Variants in FOXP1 observed in about 807,000 individuals in gnomAD.
FOXP1 encodes the protein forkhead box protein P1.
In FOXP1, 15 loss-of-function variants were observed where a neutral mutation model predicts 98.2. The ratio of observed to expected loss-of-function variants is 0.15; its 90% CI spans 0.10 to 0.24. The LOEUF is 0.24. Ranked by LOEUF, FOXP1 falls within the 10% of genes least tolerant of loss-of-function variation. The pLI is 1.00. For synonymous variants in FOXP1, 371 were observed against 314.5 expected (o/e 1.18, Z -1.90); for missense variants, 633 against 848.5 (o/e 0.75, Z 3.15).
chr3:71,117,278 G>A (rs1255942093), intron 6 of FOXP1, among the ~76,000 whole-genome samples: 1 of 151,450 alleles, frequency 6.6e-6, no homozygotes, highest in Non-Finnish European at 1.5e-5. Context: ...GTAGAGACGG[G>A]GTCTCATTGT....
intron 6 of FOXP1, among the ~76,000 whole-genome samples, chr3:71,182,502 A>ATATGTGTG (rs1431300428): frequency 1.9e-4 from 26 of 133,700 alleles, no homozygotes; most frequent in African/African-American, 6.5e-4. Context: ...AACTATATAT[A>ATATGTGTG]TGTGTGTGTG....
intron 3 of FOXP1, among the ~76,000 whole-genome samples, chr3:71,398,162 T>G (rs972733092): frequency 5.9e-5 from 9 of 152,228 alleles, no homozygotes; most frequent in Non-Finnish European, 1.3e-4. Context: ...GTGCAAATAA[T>G]GCTAAAACCA....
intron 3 of FOXP1, among the ~76,000 whole-genome samples, chr3:71,428,989 C>T (rs2084421115): frequency 6.6e-6 from 1 of 152,188 alleles, no homozygotes; most frequent in African/African-American, 2.4e-5. Context: ...TTGAAACTCC[C>T]TGGACTAGTG....
At chr3:71,308,003 C>T (rs1277957221) in intron 4 of FOXP1, among the ~76,000 whole-genome samples, 2 of 152,136 alleles carry the variant, frequency 1.3e-5, no homozygotes, top group South Asian at 2.1e-4. Flanking sequence ...GCGCCGGATT[C>T]GGGAGCGAAT....
rs116831403 is a variant in FOXP1 at position 71,460,427 on chromosome 3, T to C, written c.-168+32999A>G. On this transcript the variant is annotated intron_variant, in intron 3 of 20. Coordinates refer to ENST00000649528, the MANE Select transcript of FOXP1 (RefSeq NM_001349338.3). The stretch of plus-strand genomic sequence containing the variant: ...GCTAATTTTTGATTTTTTGGTTTTT[T>C]TCGTTTTTTTTTGTTGTTGTTGTTT... Among the ~76,000 whole-genome samples the C allele has an allele frequency of 9.4e-3, 1,418 of 151,472 alleles. 27 individuals are homozygous for C. Among genetic ancestry groups the C allele is most frequent in the African/African-American group, 0.033 (1,344 of 41,302 alleles).
At chr3:71,049,501 C>A (rs567297814) in intron 9 of FOXP1, among the ~76,000 whole-genome samples, 1 of 151,990 alleles carries the variant, frequency 6.6e-6, no homozygotes, top group South Asian at 2.1e-4. Flanking sequence ...CTTGGTCCAA[C>A]CCAATATGGA....
intron 5 of FOXP1, among the ~76,000 whole-genome samples, chr3:71,289,049 T>G (rs1560248224): frequency 1.4e-5 from 2 of 147,488 alleles, no homozygotes; most frequent in Non-Finnish European, 1.5e-5. Context: ...TTTATTTATT[T>G]TTTGAGATGG....
chr3:71,483,972 C>T (rs1322333942), intron 3 of FOXP1, among the ~76,000 whole-genome samples: 2 of 152,168 alleles, frequency 1.3e-5, no homozygotes, highest in Non-Finnish European at 2.9e-5. Flanking sequence ...AGACACCCAC[C>T]TATTGGCCTC....
chr3:71,097,406 G>A (rs1031028021), intron 7 of FOXP1, among the ~76,000 whole-genome samples: 1 of 151,964 alleles, frequency 6.6e-6, no homozygotes, highest in Non-Finnish European at 1.5e-5. Context: ...AGACAGTATG[G>A]CCCACAAAAC....
chr3:71,066,091 CAAAAAAAAA>C (rs34279433), intron 7 of FOXP1, among the ~76,000 whole-genome samples: 4 of 104,998 alleles, frequency 3.8e-5, no homozygotes, highest in African/African-American at 1.4e-4. Flanking sequence ...TATTTGCCTT[CAAAAAAAAA>C]AAAAAAAAAA....
chr3:71,289,192 C>T (rs2072493499), intron 5 of FOXP1, among the ~76,000 whole-genome samples: 1 of 152,114 alleles, frequency 6.6e-6, no homozygotes, highest in African/African-American at 2.4e-5. Flanking sequence ...AGGAATGAGC[C>T]ACCATGCCGA....
intron 6 of FOXP1, among the ~76,000 whole-genome samples, chr3:71,117,641 C>G: frequency 6.6e-6 from 1 of 152,246 alleles, no homozygotes; most frequent in Non-Finnish European, 1.5e-5. Context: ...GAAAGAATTT[C>G]TCTTTTAAGA....
At chr3:71,425,703 G>A (rs1391483554) in intron 3 of FOXP1, among the ~76,000 whole-genome samples, 1 of 151,408 alleles carries the variant, frequency 6.6e-6, no homozygotes, top group Non-Finnish European at 1.5e-5. Flanking sequence ...GGGGCTCTGA[G>A]TAAGATTTCA....
At chr3:71,342,498 G>A (rs2077068522) in intron 4 of FOXP1, among the ~76,000 whole-genome samples, 1 of 152,224 alleles carries the variant, frequency 6.6e-6, no homozygotes, top group Admixed American at 6.5e-5. Flanking sequence ...TTCGAGACCA[G>A]CCTGACCAAC....
intron 5 of FOXP1, among the ~76,000 whole-genome samples, chr3:71,217,028 T>C (rs2064993225): frequency 6.6e-6 from 1 of 152,208 alleles, no homozygotes; most frequent in Non-Finnish European, 1.5e-5. Flanking sequence ...AGAACACTTC[T>C]AAAAGAATTT....
Position 70,959,198 on chromosome 3 carries a change from T to C in FOXP1, c.*49A>G, listed in dbSNP as rs2032579091. ...CTGCTAACTTTTGACGTGTTTTTTT[T>C]TTTTTCCTTTTTCCAATCTTCATTC... On this transcript the variant is annotated 3_prime_UTR_variant, in exon 21 of 21. Transcript: ENST00000649528. The C allele has an allele frequency of 6.2e-7, 1 of 1,605,096 alleles. No individual in the cohort carries two copies. Among genetic ancestry groups the C allele is most frequent in the East Asian group, 2.2e-5 (1 of 44,816 alleles).
intron 4 of FOXP1, among the ~76,000 whole-genome samples, chr3:71,325,010 G>A (rs1332322798): frequency 6.6e-6 from 1 of 151,214 alleles, no homozygotes; most frequent in Non-Finnish European, 1.5e-5. Flanking sequence ...TACATCTATC[G>A]CAATGGCCAG....
intron 7 of FOXP1, among the ~76,000 whole-genome samples, chr3:71,058,843 T>C (rs1361749241): frequency 2.0e-5 from 3 of 149,706 alleles, no homozygotes; most frequent in Non-Finnish European, 4.4e-5. Context: ...GTAACTATCA[T>C]ACAGGAAAGA....
chr3:71,011,199 T>C (rs1368422021), intron 12 of FOXP1, among the ~76,000 whole-genome samples: 9 of 152,168 alleles, frequency 5.9e-5, no homozygotes, highest in Admixed American at 5.9e-4. Context: ...CCTTTGCTAC[T>C]TTACAATATT....
Sources: allele counts gnomAD v4.1 joint callset (sites outside exome capture counted in the v4.1 genomes callset), GRCh38; gene constraint gnomAD v4.1.1; transcripts MANE v1.5; gene names NCBI Gene and HGNC (gene_info 2026-07-23, HGNC 2026-07-21).